SH2B1: variants seen among roughly 807,000 people sequenced by gnomAD.
SH2B1 encodes SH2B adapter protein 1.
Under a neutral mutation model 62.6 loss-of-function variants are expected in SH2B1, and 15 were observed. The ratio of observed to expected loss-of-function variants is 0.24; its 90% CI spans 0.16 to 0.37. The LOEUF (loss-of-function observed/expected upper bound fraction) is 0.37. Ranked by LOEUF, SH2B1 falls within the 10% of genes least tolerant of loss-of-function variation. The probability of loss-of-function intolerance (pLI) is 1.00; values close to 1 mark genes in which losing one functional copy is unlikely to be tolerated. For synonymous variants in SH2B1, 443 were observed against 438.0 expected (o/e 1.01, Z -0.14); for missense variants, 925 against 1,015.6 (o/e 0.91, Z 1.21).
At chr16:28,847,048 A>G (rs899709872) in intron 1 of SH2B1, among the ~76,000 whole-genome samples, 1 of 152,200 alleles carries the variant, frequency 6.6e-6, no homozygotes, top group Non-Finnish European at 1.5e-5. Flanking sequence ...TAGACCTCAC[A>G]GGGCCAGAGC....
chr16:28,863,591 T>C (rs1184377617), upstream of SH2B1: 4 of 1,293,418 alleles, frequency 3.1e-6, no homozygotes, highest in African/African-American at 5.9e-5. Context: ...CATCGCCCCT[T>C]TGTCCCGAAT....
rs756609138 is a variant in SH2B1 at position 28,873,136 on chromosome 16, G to T, written c.1898-311G>T. 1 of 1,367,358 alleles carries T rather than the reference G, an allele frequency of 7.3e-7. No individual in the cohort carries two copies. The highest frequency in any genetic ancestry group is 1.0e-6 in the Non-Finnish European group (1 of 1,004,716). 84.7% of individuals were successfully genotyped at this position (1,367,358 alleles called of 1,614,324 possible). ...ATCTCTCCCTTTCCCCTGCCCCACC[G>T]TCCCATCTGTCCCCACGTTGCCCCT... is the stretch of plus-strand genomic sequence containing the variant. On this transcript the variant is annotated intron_variant, in intron 7 of 7. Transcript: ENST00000684370. This position sits in a 1 kb window ranked among gnomAD's most constrained non-coding sequence, Gnocchi z 4.2.
rs767256475 is a variant in SH2B1 at position 28,873,552 on chromosome 16, C to G, written c.2003C>G (p.Ala668Gly). 1 of 1,600,502 alleles carries G rather than the reference C, an allele frequency of 6.2e-7. No homozygotes were observed. Among genetic ancestry groups the G allele is most frequent in the Non-Finnish European group, 8.5e-7 (1 of 1,174,458 alleles). The change falls in exon 8 of 8, where the codon GCA (alanine) becomes GGA (glycine). Residue 668 changes from alanine (A) to glycine (G), a missense_variant. This residue lies in a region of SH2B1 where 185 missense variants were observed against 189.5 expected (regional missense o/e 0.98). Coordinates refer to ENST00000684370, the MANE Select transcript of SH2B1 (RefSeq NM_001387430.1). This position sits in a 1 kb window ranked among gnomAD's most constrained non-coding sequence, Gnocchi z 4.2. Reference protein sequence around the residue: ...EEASRAPEVAAAAAAAAKERQ... With the variant: ...EEASRAPEVAGAAAAAAKERQ... ...GCGTCGAGGGCGCCAGAAGTGGCGG[C>G]AGCAGCAGCCGCAGCAGCCAAAGAG... is the stretch of plus-strand genomic sequence containing the variant.
chr16:28,862,280 A>C (rs1962469519), upstream of SH2B1: 1 of 152,082 alleles, frequency 6.6e-6, no homozygotes, highest in Non-Finnish European at 1.5e-5. Flanking sequence ...CACGTCTGGA[A>C]TTGACCTCAT....
At position 28,873,810 on chromosome 16, in the gene SH2B1, C is replaced by A; in HGVS notation, c.2261C>A (p.Ser754Tyr). The A allele has an allele frequency of 6.9e-7, 1 of 1,442,240 alleles. No homozygotes were observed. The highest frequency in any genetic ancestry group is 1.5e-5 in the South Asian group (1 of 66,484). The allele number at this position is 1,442,240 out of a possible 1,614,324, so 89.3% of individuals were successfully genotyped here. ...CCCAGGGCCATTAACAACCAGTACT[C>A]CTTCGTGTGAGCCAACCCCACCCGC... The part of the protein sequence containing the change: ...GHPRAINNQY[S>Y]FV Residue 754 changes from serine (S) to tyrosine (Y), a missense_variant, in exon 8 of 8, where the codon TCC becomes TAC. Ser to Tyr is a moderately radical substitution (Grantham distance 144, BLOSUM62 -2). Around this residue, in one of 3 missense-constraint regions of SH2B1, gnomAD observed 185 missense variants for 189.5 expected, o/e 0.98. Transcript: ENST00000684370. This position sits in a 1 kb window ranked among gnomAD's most constrained non-coding sequence, Gnocchi z 4.2.
Position 28,852,303 on chromosome 16 carries a change from CATATATATATTTACATAT to C in SH2B1, c.-301+5483_-301+5500del, listed in dbSNP as rs1962129119. On this transcript the variant is annotated intron_variant, in intron 1 of 10. Coordinates refer to the SH2B1 transcript ENST00000322610. ...ATATATATTTACATATATATATTTA[CATATATATATTTACATAT>C]ATATATTTACATATATATTTACATA... Among the ~76,000 whole-genome samples, 2 of 53,028 alleles carry C rather than the reference CATATATATATTTACATAT, an allele frequency of 3.8e-5. 1 individual carries two copies. The highest frequency in any genetic ancestry group is 6.9e-5 in the Non-Finnish European group (2 of 29,154). 34.8% of individuals were successfully genotyped at this position (53,028 alleles called of 152,430 possible).
chr16:28,853,014 T>TTA (rs1331849407), intron 1 of SH2B1, among the ~76,000 whole-genome samples: 15 of 77,096 alleles, frequency 1.9e-4, no homozygotes, highest in Non-Finnish European at 2.9e-4. Flanking sequence ...ACATATATAT[T>TTA]TATATATGTA....
chr16:28,858,112 G>A (rs192065892), intron 1 of SH2B1, among the ~76,000 whole-genome samples: 4 of 152,286 alleles, frequency 2.6e-5, no homozygotes, highest in African/African-American at 9.6e-5. Flanking sequence ...CCTGGGGGTT[G>A]GGCTGGCTCA....
At position 28,863,869 on chromosome 16, in the gene SH2B1, G is replaced by A. The variant is rs948138302; in HGVS notation, c.-2226G>A. The A allele has an allele frequency of 2.6e-6, 4 of 1,518,760 alleles. No homozygotes were observed. In the African/African-American group the frequency reaches 5.6e-5, roughly 21 times the overall value. 94.1% of individuals were successfully genotyped at this position (1,518,760 alleles called of 1,614,324 possible). ...AACCGGGCTGGGCGCTCGTCGCGTA[G>A]TGGGTGGGGGCGCAGGGAGCGGGAG... On this transcript the variant is annotated 5_prime_UTR_variant, in exon 1 of 8. In the 5' UTR this introduces an upstream ATG that the reference lacks. Coordinates refer to ENST00000684370, the MANE Select transcript of SH2B1 (RefSeq NM_001387430.1).
intron 1 of SH2B1, among the ~76,000 whole-genome samples, chr16:28,853,368 T>G: frequency 6.7e-6 from 1 of 150,192 alleles, no homozygotes; most frequent in East Asian, 2.0e-4. Context: ...CATGCCCAGC[T>G]AATTTTTTGT....
Position 28,871,816 on chromosome 16 carries a change from C to T in SH2B1, c.1346C>T (p.Ser449Phe), listed in dbSNP as rs753891639. The change falls in exon 5 of 8, where the codon TCC (serine) becomes TTC (phenylalanine). Residue 449 changes from serine (S) to phenylalanine (F), a missense_variant. Transcript: ENST00000684370. Reference protein sequence around the residue: ...YGGLSDRPSASISPSSASIAA... With the variant: ...YGGLSDRPSAFISPSSASIAA... ...GGCCTCTCAGACCGCCCCTCGGCAT[C>T]CATCTCCCCCAGCTCTGCCTCCATT... is the stretch of plus-strand genomic sequence containing the variant. The T allele has an allele frequency of 2.5e-6, 4 of 1,614,020 alleles. No individual in the cohort carries two copies. Among genetic ancestry groups the T allele is most frequent in the Non-Finnish European group, 3.4e-6 (4 of 1,180,004 alleles).
At position 28,872,316 on chromosome 16, in the gene SH2B1, G is replaced by T; in HGVS notation, c.1640G>T (p.Gly547Val). 3 of 1,613,950 alleles carry T rather than the reference G, an allele frequency of 1.9e-6. No homozygotes were observed. Among genetic ancestry groups the T allele is most frequent in the Non-Finnish European group, 2.5e-6 (3 of 1,179,864 alleles). Residue 547 changes from glycine (G) to valine (V), a missense_variant, in exon 6 of 8, where the codon GGC (glycine) becomes GTC (valine). By Grantham distance (109) the Gly-to-Val change is moderately radical. Transcript: ENST00000684370. This position sits in a 1 kb window ranked among gnomAD's most constrained non-coding sequence, Gnocchi z 5.3. ...AAQLVLTGGTGSHGVFLVRQS... is the reference protein window; with the variant it reads ...AAQLVLTGGTVSHGVFLVRQS... ...CAGTTGGTGCTGACTGGCGGCACTG[G>T]CTCCCACGGTGTCTTCCTGGTGCGC... is the stretch of plus-strand genomic sequence containing the variant.
Position 28,873,166 on chromosome 16 carries a change from C to G in SH2B1, c.1898-281C>G, listed in dbSNP as rs745528194. On this transcript the variant is annotated intron_variant, in intron 7 of 7. Coordinates refer to ENST00000684370, the MANE Select transcript of SH2B1 (RefSeq NM_001387430.1). This position sits in a 1 kb window ranked among gnomAD's most constrained non-coding sequence, Gnocchi z 4.2. ...ATCTGTCCCCACGTTGCCCCTCCCC[C>G]CAGGCCGGGAGCAGGCTGGGAGCCA... 2.6e-6 allele frequency: 4 copies of G among 1,558,086 alleles called. No homozygotes were observed. The highest frequency in any genetic ancestry group is 4.1e-5 in the Admixed American group (2 of 49,208).
At chr16:28,853,770 C>A (rs909399507) in intron 1 of SH2B1, among the ~76,000 whole-genome samples, 4 of 150,998 alleles carry the variant, frequency 2.6e-5, no homozygotes, top group Non-Finnish European at 4.4e-5. Flanking sequence ...GAGGCCAAGG[C>A]GGGCGGATCA....
Position 28,873,052 on chromosome 16 carries a change from C to T in SH2B1, c.1897+347C>T. 1.3e-6 allele frequency: 1 copy of T among 755,836 alleles called. No homozygotes were observed. The highest frequency in any genetic ancestry group is 2.1e-6 in the Non-Finnish European group (1 of 474,672). The allele number at this position is 755,836 out of a possible 1,614,324, so 46.8% of individuals were successfully genotyped here. ...CAGCCTGGCCTTGGGCCTGCCCTTC[C>T]CGGGGACACTCGGTCTGATCCCCTT... On this transcript the variant is annotated intron_variant, in intron 7 of 7. Coordinates refer to ENST00000684370, the MANE Select transcript of SH2B1 (RefSeq NM_001387430.1). This position sits in a 1 kb window ranked among gnomAD's most constrained non-coding sequence, Gnocchi z 4.2.
rs543276258 is a variant in SH2B1, at chr16:28,866,613, G to C, written c.519G>C (p.Arg173=). The part of the protein sequence containing the change: ...RGSVRGILQW[R]GTVDPPSSAG... ...CAGTCCGTGGCATCCTGCAGTGGCG[G>C]GGGACCGTTGACCCTCCCTCCTCCG... is the stretch of plus-strand genomic sequence containing the variant. Residue 173 remains arginine (R), a synonymous_variant, in exon 1 of 8, where the codon CGG becomes CGC. Transcript: ENST00000684370. This position sits in a 1 kb window ranked among gnomAD's most constrained non-coding sequence, Gnocchi z 6.3. 1 of 1,613,956 alleles carries C rather than the reference G, an allele frequency of 6.2e-7. No individual in the cohort carries two copies. The highest frequency in any genetic ancestry group is 8.5e-7 in the Non-Finnish European group (1 of 1,180,006).
At chr16:28,859,101 C>T (rs1163987496), upstream of SH2B1, among the ~76,000 whole-genome samples, 1 of 151,948 alleles carries the variant, frequency 6.6e-6, no homozygotes, top group Non-Finnish European at 1.5e-5. Flanking sequence ...ACCACCCAAC[C>T]TGGCTAATTT....
At chr16:28,870,191 C>T (rs1316541319) in intron 4 of SH2B1, among the ~76,000 whole-genome samples, 1 of 152,212 alleles carries the variant, frequency 6.6e-6, no homozygotes, top group Non-Finnish European at 1.5e-5. Context: ...GAGGATGGCC[C>T]TAGTGCATAC....
intron 1 of SH2B1, among the ~76,000 whole-genome samples, chr16:28,853,148 A>G (rs1962242824): frequency 7.5e-6 from 1 of 133,024 alleles, no homozygotes. Flanking sequence ...ATATAAATAT[A>G]TATAAATGTA....
Sources: allele counts gnomAD v4.1 joint callset (sites outside exome capture counted in the v4.1 genomes callset), GRCh38; gene constraint gnomAD v4.1.1; regional missense constraint gnomAD v4.1.1; non-coding constraint Gnocchi (gnomAD v3.1); transcripts MANE v1.5; gene names NCBI Gene and HGNC (gene_info 2026-07-23, HGNC 2026-07-21).